The following HAT1 variants were observed in gnomAD, a reference collection of about 807,000 sequenced individuals.
HAT1 encodes the protein histone acetyltransferase 1, also known as histone acetyltransferase type B catalytic subunit.
HAT1 carries 20 observed loss-of-function variants against 56.6 expected under a neutral mutation model. The observed-to-expected ratio is 0.35, with a 90% CI of 0.25 to 0.51. The LOEUF (loss-of-function observed/expected upper bound fraction) is 0.51, where lower values mean the gene tolerates loss of function less well. Among genes scored for constraint, HAT1 ranks in the 20% least tolerant of loss-of-function variants. The pLI is 0.95. For missense variants in HAT1, 408 were observed against 504.3 expected (o/e 0.81, Z 1.83); for synonymous variants, 146 against 165.5 (o/e 0.88, Z 0.91).
chr2:171,981,502 T>C (rs1688132798), intron 10 of HAT1, among the ~76,000 whole-genome samples: 2 of 152,232 alleles, frequency 1.3e-5, no homozygotes, highest in African/African-American at 4.8e-5. Context: ...TGATGGTTCA[T>C]TGGCTGACAC....
At chr2:171,956,284 G>T (rs138866707) in intron 4 of HAT1, among the ~76,000 whole-genome samples, 73 of 150,142 alleles carry the variant, frequency 4.9e-4, no homozygotes, top group African/African-American at 1.7e-3. Context: ...AGGAGTTCAA[G>T]CCAGCCTGGG....
At chr2:171,971,246 G>A (rs534664509) in intron 8 of HAT1, among the ~76,000 whole-genome samples, 7 of 152,188 alleles carry the variant, frequency 4.6e-5, no homozygotes, top group Non-Finnish European at 7.4e-5. Flanking sequence ...TTGCTTAAGC[G>A]TTTGTCTCTA....
chr2:171,942,274 TGTG>T (rs1687037584), intron 2 of HAT1, among the ~76,000 whole-genome samples: 1 of 152,220 alleles, frequency 6.6e-6, no homozygotes, highest in African/African-American at 2.4e-5. Flanking sequence ...TTCTGAGTAT[TGTG>T]GTAATACATA....
chr2:171,948,857 A>T (rs1480641837), intron 3 of HAT1, among the ~76,000 whole-genome samples: 1 of 152,210 alleles, frequency 6.6e-6, no homozygotes, highest in African/African-American at 2.4e-5. Flanking sequence ...CACATCAGGA[A>T]GTCCGTGATG....
intron 2 of HAT1, among the ~76,000 whole-genome samples, chr2:171,935,059 A>G (rs1306474604): frequency 6.6e-6 from 1 of 151,068 alleles, no homozygotes; most frequent in Non-Finnish European, 1.5e-5. Context: ...CCTGGCCTAG[A>G]GTGGTTTTCT....
chr2:171,945,913 G>T (rs1196407804), intron 2 of HAT1, among the ~76,000 whole-genome samples: 1 of 151,992 alleles, frequency 6.6e-6, no homozygotes, highest in Non-Finnish European at 1.5e-5. Context: ...CAGGTAATCT[G>T]CCCACCTCAG....
intron 2 of HAT1, among the ~76,000 whole-genome samples, chr2:171,945,123 A>T (rs555962779): frequency 9.7e-4 from 147 of 152,234 alleles, no homozygotes; most frequent in African/African-American, 3.4e-3. Flanking sequence ...TGCCTGCCTC[A>T]GCCTCCCAAA....
chr2:171,948,547 T>C (rs531044337), intron 3 of HAT1, among the ~76,000 whole-genome samples: 2 of 152,334 alleles, frequency 1.3e-5, no homozygotes, highest in African/African-American at 4.8e-5. Flanking sequence ...TCTTCTGATA[T>C]ACAGCTCATG....
chr2:171,968,966 T>G (rs1303182177), intron 8 of HAT1, among the ~76,000 whole-genome samples: 1 of 152,236 alleles, frequency 6.6e-6, no homozygotes, highest in African/African-American at 2.4e-5. Flanking sequence ...GTAGATGGCC[T>G]AAGTTATATC....
chr2:171,941,418 G>A (rs1409818607), intron 2 of HAT1, among the ~76,000 whole-genome samples: 1 of 152,074 alleles, frequency 6.6e-6, no homozygotes, highest in Non-Finnish European at 1.5e-5. Flanking sequence ...TCTCCTTGTT[G>A]GCCAGGCTGG....
chr2:171,940,598 T>G (rs1441089913), intron 2 of HAT1, among the ~76,000 whole-genome samples: 1 of 152,184 alleles, frequency 6.6e-6, no homozygotes, highest in Non-Finnish European at 1.5e-5. Context: ...TTTGATGAAG[T>G]GGTGGCCTTC....
intron 2 of HAT1, among the ~76,000 whole-genome samples, chr2:171,941,699 T>G (rs1574042263): frequency 1.3e-5 from 2 of 152,268 alleles, no homozygotes; most frequent in Middle Eastern, 6.8e-3. Flanking sequence ...CAGGCAGTAG[T>G]GCAAGCAGTG....
intron 2 of HAT1, among the ~76,000 whole-genome samples, chr2:171,927,691 A>G (rs1408303931): frequency 6.6e-6 from 1 of 151,854 alleles, no homozygotes; most frequent in East Asian, 1.9e-4. Context: ...AGATTCAAGT[A>G]ATTCTTGTGC....
chr2:171,949,946 A>G (rs1261581752), intron 3 of HAT1, among the ~76,000 whole-genome samples: 1 of 152,128 alleles, frequency 6.6e-6, no homozygotes, highest in African/African-American at 2.4e-5. Flanking sequence ...TTTTGGTGAT[A>G]CTTTACTTTC....
At chr2:171,947,751 C>T (rs1394223872) in intron 3 of HAT1, among the ~76,000 whole-genome samples, 3 of 152,142 alleles carry the variant, frequency 2.0e-5, no homozygotes, top group East Asian at 3.9e-4. Context: ...TAGTGGCACA[C>T]GCCTGTAGTC....
chr2:171,961,693 T>A (rs1469291352), intron 4 of HAT1, among the ~76,000 whole-genome samples: 1 of 152,206 alleles, frequency 6.6e-6, no homozygotes, highest in Admixed American at 6.5e-5. Flanking sequence ...AAAGTATATA[T>A]TGACAAGTTT....
chr2:171,930,893 AC>A (rs1345212517), intron 2 of HAT1, among the ~76,000 whole-genome samples: 2 of 151,894 alleles, frequency 1.3e-5, no homozygotes, highest in African/African-American at 4.8e-5. Context: ...AGGGTTGCAG[AC>A]ATAAGCCACC....
intron 10 of HAT1, chr2:171,979,637 GTC>G (rs1466495829): frequency 4.0e-6 from 1 of 250,682 alleles, no homozygotes; most frequent in Non-Finnish European, 7.7e-6. Context: ...GTGAAACCCT[GTC>G]TCTACTAAAA....
intron 8 of HAT1, among the ~76,000 whole-genome samples, chr2:171,974,418 A>C (rs1186515784): frequency 1.2e-4 from 18 of 152,146 alleles, no homozygotes; most frequent in Admixed American, 1.2e-3. Flanking sequence ...GTTGGGTTTT[A>C]TATATTGATC....
Sources: allele counts gnomAD v4.1 joint callset (sites outside exome capture counted in the v4.1 genomes callset), GRCh38; gene constraint gnomAD v4.1.1; transcripts MANE v1.5; gene names NCBI Gene and HGNC (gene_info 2026-07-23, HGNC 2026-07-21).